CATSPERB: variants seen among roughly 807,000 people sequenced by gnomAD.
The protein encoded by CATSPERB is cation channel sperm-associated auxiliary subunit beta.
In CATSPERB, 93 loss-of-function variants were observed where a neutral mutation model predicts 128.3. That is an observed-to-expected ratio of 0.72 (90% CI 0.61 to 0.86). CATSPERB has a LOEUF of 0.86. Ranked by LOEUF, CATSPERB falls within the 40% of genes least tolerant of loss-of-function variation. The pLI, the probability that CATSPERB is intolerant of heterozygous loss-of-function variation, is 0.00. For synonymous variants in CATSPERB, 381 were observed against 448.8 expected (o/e 0.85, Z 1.91); for missense variants, 1,153 against 1,329.5 (o/e 0.87, Z 2.06).
chr14:91,645,935 A>G (rs1894594126), intron 15 of CATSPERB, among the ~76,000 whole-genome samples: 2 of 147,612 alleles, frequency 1.4e-5, no homozygotes, highest in Admixed American at 1.4e-4. Context: ...AGCCGGTCTG[A>G]AAAGCGCAAT....
At chr14:91,616,561 T>G (rs147682265) in intron 20 of CATSPERB, among the ~76,000 whole-genome samples, 265 of 152,216 alleles carry the variant, frequency 1.7e-3, no homozygotes, top group African/African-American at 6.2e-3. Context: ...ATGCTAGGAG[T>G]TTAGTAAGCT....
chr14:91,721,694 C>G (rs112362169), intron 4 of CATSPERB, among the ~76,000 whole-genome samples: 1,715 of 151,916 alleles, frequency 0.011, 13 homozygotes, highest in Middle Eastern at 0.031. Context: ...ACTAAAAATA[C>G]AAAAAATTAG....
intron 7 of CATSPERB, among the ~76,000 whole-genome samples, chr14:91,694,438 C>CAAAAAA (rs547649333): frequency 9.1e-5 from 6 of 65,762 alleles, no homozygotes; most frequent in Admixed American, 6.2e-4. Flanking sequence ...GACCCTATCT[C>CAAAAAA]AAAAAAAAAA....
intron 5 of CATSPERB, chr14:91,709,029 C>G (rs183905004): frequency 2.6e-5 from 4 of 152,502 alleles, no homozygotes; most frequent in African/African-American, 9.6e-5. Context: ...GAAGAACACA[C>G]CTGGTCAAAA....
At chr14:91,677,445 CAT>C (rs1381716735) in intron 11 of CATSPERB, among the ~76,000 whole-genome samples, 2 of 152,064 alleles carry the variant, frequency 1.3e-5, no homozygotes, top group African/African-American at 2.4e-5. Context: ...AGCCAAGAAA[CAT>C]ATGAAAAAAG....
intron 6 of CATSPERB, among the ~76,000 whole-genome samples, chr14:91,704,967 T>C (rs369132644): frequency 5.3e-5 from 8 of 152,300 alleles, no homozygotes. Flanking sequence ...TTTGGCCACA[T>C]TTGAAAAATA....
chr14:91,612,012 T>TTTTCTCTCTTTC (rs1893837409), intron 20 of CATSPERB, among the ~76,000 whole-genome samples: 1 of 132,924 alleles, frequency 7.5e-6, no homozygotes, highest in African/African-American at 2.9e-5. Flanking sequence ...TTGTTTACTG[T>TTTTCTCTCTTTC]TTTCTTTCTT....
intron 7 of CATSPERB, among the ~76,000 whole-genome samples, chr14:91,702,817 A>G (rs1253019470): frequency 6.6e-6 from 1 of 151,674 alleles, no homozygotes. Context: ...TAATACCAGA[A>G]CTTCCTGCTT....
intron 20 of CATSPERB, among the ~76,000 whole-genome samples, chr14:91,612,661 T>C (rs1174989701): frequency 6.6e-6 from 1 of 152,230 alleles, no homozygotes; most frequent in Admixed American, 6.5e-5. Flanking sequence ...GAAATACTAA[T>C]AAACGTAGTG....
intron 17 of CATSPERB, among the ~76,000 whole-genome samples, chr14:91,630,633 T>G (rs939996361): frequency 1.3e-5 from 2 of 152,198 alleles, no homozygotes; most frequent in Non-Finnish European, 2.9e-5. Context: ...CATCAGATCC[T>G]GTCTTCACTC....
At chr14:91,672,151 T>A (rs1019734769) in intron 13 of CATSPERB, among the ~76,000 whole-genome samples, 7 of 151,658 alleles carry the variant, frequency 4.6e-5, no homozygotes, top group Non-Finnish European at 8.8e-5. Context: ...CTATTAATAT[T>A]TTTTTTTCAG....
In CATSPERB at chr14:91,649,946, G is replaced by A. The variant is rs530011037; in HGVS notation, c.1432+9891C>T. On this transcript the variant is annotated intron_variant, in intron 15 of 26. Transcript: ENST00000256343. The stretch of plus-strand genomic sequence containing the variant: ...TAGTCAGGCTTTTTCTTATGCTCCC[G>A]TGAGCTTTTCAGTAGCAAAACTTTG... Among the ~76,000 whole-genome samples the A allele has an allele frequency of 7.2e-5, 11 of 152,004 alleles. No individual in the cohort carries two copies. In the South Asian group the frequency reaches 2.1e-3, roughly 29 times the overall value.
chr14:91,633,431 G>A (rs906405238), intron 17 of CATSPERB, among the ~76,000 whole-genome samples: 31 of 150,374 alleles, frequency 2.1e-4, no homozygotes, highest in African/African-American at 7.6e-4. Flanking sequence ...AAAAAAAAAA[G>A]AAAACAATTG....
intron 22 of CATSPERB, 114 bp from the exon 23 acceptor site, chr14:91,592,116 TA>T: frequency 1.4e-6 from 1 of 729,728 alleles, no homozygotes. Flanking sequence ...CCTGAGAAGT[TA>T]AAAGGGGAAA....
chr14:91,613,753 T>C (rs1359908434), intron 20 of CATSPERB, among the ~76,000 whole-genome samples: 1 of 152,226 alleles, frequency 6.6e-6, no homozygotes, highest in African/African-American at 2.4e-5. Context: ...GGACTCTATC[T>C]GATGACAAGC....
At chr14:91,682,971 C>T (rs538951204) in intron 11 of CATSPERB, among the ~76,000 whole-genome samples, 11 of 152,286 alleles carry the variant, frequency 7.2e-5, no homozygotes, top group African/African-American at 2.4e-4. Context: ...ATTATTCTCA[C>T]AATATAACCT....
intron 23 of CATSPERB, among the ~76,000 whole-genome samples, chr14:91,590,954 A>G (rs1201871801): frequency 6.6e-6 from 1 of 152,080 alleles, no homozygotes; most frequent in East Asian, 1.9e-4. Context: ...CCCGGCCTCT[A>G]GATGTCTTAC....
Position 91,617,611 on chromosome 14 carries a change from T to C in CATSPERB, c.2386A>G (p.Lys796Glu). 1 of 1,581,764 alleles carries C rather than the reference T, an allele frequency of 6.3e-7. No homozygotes were observed. Among genetic ancestry groups the C allele is most frequent in the Admixed American group, 2.0e-5 (1 of 49,588 alleles). The change falls in exon 20 of 27, where the codon AAA becomes GAA. Residue 796 changes from lysine (K) to glutamate (E), a missense_variant. Lys to Glu is a moderately conservative substitution (Grantham distance 56, BLOSUM62 1). Transcript: ENST00000256343. The stretch of plus-strand genomic sequence containing the variant: ...GAAAATCCTACCTGATGTAAAACTT[T>C]GCTAGCTGCAGAAATTGTTATTACA... ...SYVITISAASKVLHQGSTSLA... is the reference protein window; with the variant it reads ...SYVITISAASEVLHQGSTSLA...
At chr14:91,651,606 A>G (rs1435842966) in intron 15 of CATSPERB, among the ~76,000 whole-genome samples, 1 of 152,150 alleles carries the variant, frequency 6.6e-6, no homozygotes, top group African/African-American at 2.4e-5. Context: ...TTGCTTACAC[A>G]CTTAATGAGT....
Sources: gnomAD v4.1 joint callset for allele counts (sites outside exome capture counted in the v4.1 genomes callset) on GRCh38, gnomAD v4.1.1 for gene constraint, MANE v1.5 for transcripts, NCBI Gene and HGNC (gene_info 2026-07-23, HGNC 2026-07-21) for gene names.